Variants in KIRREL3 observed in about 807,000 individuals in gnomAD.
KIRREL3 encodes the protein kirre like nephrin family adhesion molecule 3.
KIRREL3 carries 36 observed loss-of-function variants against 89.7 expected under a neutral mutation model. The ratio of observed to expected loss-of-function variants is 0.40; its 90% CI spans 0.31 to 0.53. KIRREL3 has a LOEUF of 0.53. Among genes scored for constraint, KIRREL3 ranks in the 20% least tolerant of loss-of-function variants. The pLI is 0.49. For missense variants in KIRREL3, 864 were observed against 1,056.6 expected (o/e 0.82, Z 2.53); for synonymous variants, 445 against 441.4 (o/e 1.01, Z -0.10).
chr11:126,747,664 C>T lies in KIRREL3; in HGVS notation c.56-184752G>A, dbSNP rs1447567551. Among the ~76,000 whole-genome samples the T allele has an allele frequency of 1.3e-5, 2 of 152,128 alleles. No homozygotes were observed. The highest frequency in any genetic ancestry group is 2.9e-5 in the Non-Finnish European group (2 of 68,028). ...CGCATCTCCCTTGAGTTCCTTGAGA[C>T]TAGAAACGGTTTTATTTATTTTGGA... is the stretch of plus-strand genomic sequence containing the variant. On this transcript the variant is annotated intron_variant, in intron 1 of 16. Coordinates refer to ENST00000525144, the MANE Select transcript of KIRREL3 (RefSeq NM_032531.4). The surrounding 1 kb of genome is among the most constrained non-coding windows in gnomAD (Gnocchi z 4.7).
In KIRREL3 at chr11:126,430,352, C is replaced by T. The variant is rs768517920; in HGVS notation, c.1697-1064G>A. 1.4e-4 allele frequency among the ~76,000 whole-genome samples: 22 copies of T among 151,868 alleles called. 1 individual carries two copies. The highest frequency in any genetic ancestry group is 2.4e-4 in the Non-Finnish European group (16 of 67,978). On this transcript the variant is annotated intron_variant, in intron 14 of 16. Transcript: ENST00000525144. The surrounding 1 kb of genome is among the most constrained non-coding windows in gnomAD (Gnocchi z 6.6). ...CCCAGCGACTCAGGAGGCTTAGGCACGAGAATCGCTTGAACCTGGGAGGCG... is the reference window on the plus strand; with the variant it reads ...CCCAGCGACTCAGGAGGCTTAGGCATGAGAATCGCTTGAACCTGGGAGGCG...
rs113519914 is a variant in KIRREL3, at chr11:126,692,073, G to A, written c.56-129161C>T. 4.9e-4 allele frequency among the ~76,000 whole-genome samples: 74 copies of A among 152,320 alleles called. 1 individual carries two copies. The highest frequency in any genetic ancestry group is 1.8e-3 in the African/African-American group (74 of 41,564). ...GGGACCCTTGTGCACTGTTGGTGGT[G>A]TTGTAAAATGGTGCAACTGCTATGG... On this transcript the variant is annotated intron_variant, in intron 1 of 16. Transcript: ENST00000525144.
chr11:126,926,882 A>T (rs1019901889), intron 1 of KIRREL3, among the ~76,000 whole-genome samples: 2 of 152,186 alleles, frequency 1.3e-5, no homozygotes, highest in Non-Finnish European at 2.9e-5. Context: ...GAGAGAGGGT[A>T]TAGGAAAAGG....
intron 1 of KIRREL3, among the ~76,000 whole-genome samples, chr11:126,952,406 T>A (rs992088958): frequency 2.0e-5 from 3 of 152,286 alleles, no homozygotes; most frequent in African/African-American, 7.2e-5. Flanking sequence ...AATATTCATA[T>A]CCTTCACACA....
At position 126,481,301 on chromosome 11, in the gene KIRREL3, G is replaced by C. The variant is rs74978344; in HGVS notation, c.434-7835C>G. On this transcript the variant is annotated intron_variant, in intron 4 of 16. Transcript: ENST00000525144. ...TTTTCTTCCCACCCCTTAAATGCTG[G>C]TCTTCCCTAGTTAGCTCTTGCTGGC... Among the ~76,000 whole-genome samples, 1,131 of 152,214 alleles carry C rather than the reference G, an allele frequency of 7.4e-3. 16 individuals carry two copies. The highest frequency in any genetic ancestry group is 0.01 in the Middle Eastern group (3 of 294).
At position 126,912,972 on chromosome 11, in the gene KIRREL3, G is replaced by A. The variant is rs142368204; in HGVS notation, c.55+87483C>T. 1.5e-4 allele frequency among the ~76,000 whole-genome samples: 23 copies of A among 152,286 alleles called. No individual in the cohort carries two copies. Among genetic ancestry groups the A allele is most frequent in the African/African-American group, 5.5e-4 (23 of 41,562 alleles). On this transcript the variant is annotated intron_variant, in intron 1 of 16. Transcript: ENST00000525144. The surrounding 1 kb of genome is among the most constrained non-coding windows in gnomAD (Gnocchi z 4.7). The stretch of plus-strand genomic sequence containing the variant: ...GTAGTCAAGAGAGGAAATGCCTTAA[G>A]GAACCACGAGATCCCTTGAAGAGAC...
At chr11:126,864,763 A>G (rs1292601096) in intron 1 of KIRREL3, among the ~76,000 whole-genome samples, 1 of 152,174 alleles carries the variant, frequency 6.6e-6, no homozygotes, top group African/African-American at 2.4e-5. Flanking sequence ...GGGAAAATAA[A>G]TTGCCTTGAG....
chr11:126,780,212 TAAGG>T lies in KIRREL3; in HGVS notation c.56-217304_56-217301del, dbSNP rs1448667623. 6.6e-6 allele frequency among the ~76,000 whole-genome samples: 1 copy of T among 151,696 alleles called. No individual in the cohort carries two copies. The highest frequency in any genetic ancestry group is 1.5e-5 in the Non-Finnish European group (1 of 67,936). ...GGAAAAGACTGCAGAAGGAAGAAGA[TAAGG>T]AAGCAACAGAAACCCCAGCTAGCGT... On this transcript the variant is annotated intron_variant, in intron 1 of 16. Transcript: ENST00000525144. This position sits in a 1 kb window ranked among gnomAD's most constrained non-coding sequence, Gnocchi z 5.3.
In KIRREL3 at chr11:126,797,933, T is replaced by C. The variant is rs530569806; in HGVS notation, c.55+202522A>G. Among the ~76,000 whole-genome samples the C allele has an allele frequency of 6.6e-6, 1 of 152,340 alleles. No homozygotes were observed. The highest frequency in any genetic ancestry group is 2.1e-4 in the South Asian group (1 of 4,830). On this transcript the variant is annotated intron_variant, in intron 1 of 16. Coordinates refer to ENST00000525144, the MANE Select transcript of KIRREL3 (RefSeq NM_032531.4). This position sits in a 1 kb window ranked among gnomAD's most constrained non-coding sequence, Gnocchi z 4.9. ...GCTGATCCTGAGGGCCTATGGACACTGCAAAGTAACACATGGGCTGTTTGT... is the reference window on the plus strand; with the variant it reads ...GCTGATCCTGAGGGCCTATGGACACCGCAAAGTAACACATGGGCTGTTTGT...
At position 126,680,397 on chromosome 11, in the gene KIRREL3, G is replaced by GATATATATATAT. The variant is rs150251599; in HGVS notation, c.56-117497_56-117486dup. 2.8e-4 allele frequency among the ~76,000 whole-genome samples: 40 copies of GATATATATATAT among 144,180 alleles called. No individual in the cohort carries two copies. In the South Asian group the frequency reaches 7.9e-3, roughly 28 times the overall value. The allele number at this position is 144,180 out of a possible 152,430, so 94.6% of individuals were successfully genotyped here. On this transcript the variant is annotated intron_variant, in intron 1 of 16. Transcript: ENST00000525144. ...AATGCTCATCAACTCTTCTACTGGA[G>GATATATATATAT]ATATATATATATATATATACACATA...
chr11:126,795,960 T>C lies in KIRREL3; in HGVS notation c.55+204495A>G, dbSNP rs1461389975. Among the ~76,000 whole-genome samples the C allele has an allele frequency of 6.6e-6, 1 of 152,088 alleles. No individual in the cohort carries two copies. The highest frequency in any genetic ancestry group is 1.5e-5 in the Non-Finnish European group (1 of 68,012). ...AGCATGAATCAGAAATGAGAGTACA[T>C]TTTTCACGTTGAGCTAGTACCTTGT... On this transcript the variant is annotated intron_variant, in intron 1 of 16. Transcript: ENST00000525144. This position sits in a 1 kb window ranked among gnomAD's most constrained non-coding sequence, Gnocchi z 4.1.
At chr11:126,774,727 A>G (rs1565720947) in intron 1 of KIRREL3, among the ~76,000 whole-genome samples, 1 of 152,154 alleles carries the variant, frequency 6.6e-6, no homozygotes, top group Admixed American at 6.5e-5. Flanking sequence ...AACTAAGCCC[A>G]TGGGCTGGGT....
intron 1 of KIRREL3, among the ~76,000 whole-genome samples, chr11:126,629,510 G>A (rs1188538073): frequency 6.6e-6 from 1 of 152,164 alleles, no homozygotes; most frequent in Admixed American, 6.5e-5. Flanking sequence ...GAGGGACTTT[G>A]CACTGCTCTC....
intron 1 of KIRREL3, among the ~76,000 whole-genome samples, chr11:126,869,719 G>A (rs1009697280): frequency 6.6e-6 from 1 of 152,058 alleles, no homozygotes; most frequent in Non-Finnish European, 1.5e-5. Flanking sequence ...CTCCCAACTA[G>A]GATTGTAAAG....
chr11:126,956,719 C>T (rs7931902), intron 1 of KIRREL3, among the ~76,000 whole-genome samples: 141,948 of 152,304 alleles, frequency 0.93, 66,305 homozygotes, highest in East Asian at 1. Flanking sequence ...CCCAATCCAC[C>T]GTCTGCCTAC....
chr11:126,542,396 TA>T (rs1453690781), intron 2 of KIRREL3, among the ~76,000 whole-genome samples: 1 of 152,230 alleles, frequency 6.6e-6, no homozygotes, highest in Non-Finnish European at 1.5e-5. Flanking sequence ...GTGTATAATC[TA>T]GAATGATGGA....
chr11:126,960,279 G>A (rs2135178367), intron 1 of KIRREL3, among the ~76,000 whole-genome samples: 1 of 152,264 alleles, frequency 6.6e-6, no homozygotes, highest in Middle Eastern at 3.4e-3. Flanking sequence ...TAAGAGCAGG[G>A]TAGTTTAATA....
chr11:126,709,928 A>G lies in KIRREL3; in HGVS notation c.56-147016T>C, dbSNP rs1306967209. 2.0e-5 allele frequency among the ~76,000 whole-genome samples: 3 copies of G among 152,172 alleles called. No homozygotes were observed. The highest frequency in any genetic ancestry group is 4.4e-5 in the Non-Finnish European group (3 of 68,016). On this transcript the variant is annotated intron_variant, in intron 1 of 16. Coordinates refer to ENST00000525144, the MANE Select transcript of KIRREL3 (RefSeq NM_032531.4). This position sits in a 1 kb window ranked among gnomAD's most constrained non-coding sequence, Gnocchi z 4.0. ...TGAGCTACCTTACTGAGCATCTTCTATACAGCAAGCACCAGGCTACGCTGT... is the reference window on the plus strand; with the variant it reads ...TGAGCTACCTTACTGAGCATCTTCTGTACAGCAAGCACCAGGCTACGCTGT...
intron 1 of KIRREL3, among the ~76,000 whole-genome samples, chr11:126,730,793 C>T (rs998351510): frequency 6.6e-6 from 1 of 152,108 alleles, no homozygotes; most frequent in Admixed American, 6.5e-5. Context: ...GGCTGGAGTG[C>T]AGTGGTGCCA....
Sources: allele counts gnomAD v4.1 joint callset (sites outside exome capture counted in the v4.1 genomes callset), GRCh38; gene constraint gnomAD v4.1.1; non-coding constraint Gnocchi (gnomAD v3.1); transcripts MANE v1.5; gene names NCBI Gene and HGNC (gene_info 2026-07-23, HGNC 2026-07-21).